MALRD1: variants seen among roughly 807,000 people sequenced by gnomAD.
MALRD1 encodes the protein MAM and LDL-receptor class A domain-containing protein 1.
Under a neutral mutation model 242.1 loss-of-function variants are expected in MALRD1, and 247 were observed. The ratio of observed to expected loss-of-function variants is 1.02; its 90% CI spans 0.92 to 1.13. The LOEUF (loss-of-function observed/expected upper bound fraction) is 1.13. Among genes scored for constraint, MALRD1 ranks in the 50% most tolerant of loss-of-function variants. The pLI, the probability that MALRD1 is intolerant of heterozygous loss-of-function variation, is 0.00. For synonymous variants in MALRD1, 995 were observed against 866.6 expected (o/e 1.15, Z -2.60); for missense variants, 2,989 against 2,533.1 (o/e 1.18, Z -3.86).
chr10:19,209,458 A>T lies in MALRD1; in HGVS notation c.2769A>T (p.Gln923His). 1 of 1,550,946 alleles carries T rather than the reference A, an allele frequency of 6.4e-7. No homozygotes were observed. ...YIESSEPQAFQDSAALLSPIL... is the reference protein window; with the variant it reads ...YIESSEPQAFHDSAALLSPIL... ...AATCTTCAGAGCCACAGGCTTTTCA[A>T]GACAGTGCTGCCTTACTCAGCCCAA... The change falls in exon 18 of 40, where the codon CAA becomes CAT. Residue 923 changes from glutamine (Q) to histidine (H), a missense_variant. Coordinates refer to ENST00000454679, the MANE Select transcript of MALRD1 (RefSeq NM_001142308.3).
chr10:19,281,963 C>CAAAA (rs149370838), intron 20 of MALRD1, among the ~76,000 whole-genome samples: 3 of 79,828 alleles, frequency 3.8e-5, no homozygotes, highest in African/African-American at 1.0e-4. Flanking sequence ...ACGATGTCTC[C>CAAAA]AAAAAAAAAA....
intron 26 of MALRD1, among the ~76,000 whole-genome samples, chr10:19,386,766 T>G (rs2130804513): frequency 6.6e-6 from 1 of 151,854 alleles, no homozygotes; most frequent in Non-Finnish European, 1.5e-5. Flanking sequence ...TTAGCTTAAC[T>G]TCTCTAGGAT....
chr10:19,484,615 T>C (rs1001214451), intron 29 of MALRD1, among the ~76,000 whole-genome samples: 1 of 152,220 alleles, frequency 6.6e-6, no homozygotes, highest in Non-Finnish European at 1.5e-5. Context: ...AATGAAACCA[T>C]ATAATATGCT....
intron 5 of MALRD1, among the ~76,000 whole-genome samples, chr10:19,107,565 C>CTTTTTTTTTT (rs201379420): frequency 7.6e-6 from 1 of 132,302 alleles, no homozygotes. Flanking sequence ...ATAATTTGGT[C>CTTTTTTTTTT]TTTTTTTTTT....
intron 36 of MALRD1, among the ~76,000 whole-genome samples, chr10:19,686,336 G>C (rs899276544): frequency 3.3e-5 from 5 of 152,208 alleles, no homozygotes; most frequent in Admixed American, 2.0e-4. Context: ...CTGCATGTGT[G>C]GGGGCCCACT....
At chr10:19,624,401 T>C (rs976556512) in intron 36 of MALRD1, among the ~76,000 whole-genome samples, 31 of 152,162 alleles carry the variant, frequency 2.0e-4, no homozygotes, top group African/African-American at 5.8e-4. Flanking sequence ...TGAAAAAATA[T>C]ATAGTTATCA....
At chr10:19,357,109 G>A (rs1238405094) in intron 26 of MALRD1, among the ~76,000 whole-genome samples, 1 of 146,492 alleles carries the variant, frequency 6.8e-6, no homozygotes, top group Non-Finnish European at 1.5e-5. Flanking sequence ...GACTCTGTCT[G>A]AAAAAAAAAA....
At chr10:19,143,263 TTA>T (rs1833612443) in intron 10 of MALRD1, among the ~76,000 whole-genome samples, 1 of 152,232 alleles carries the variant, frequency 6.6e-6, no homozygotes, top group African/African-American at 2.4e-5. Flanking sequence ...GCTTCTTTCT[TTA>T]TGTCTTTGCG....
At chr10:19,268,590 T>C (rs1840062970) in intron 19 of MALRD1, among the ~76,000 whole-genome samples, 2 of 152,210 alleles carry the variant, frequency 1.3e-5, no homozygotes, top group African/African-American at 4.8e-5. Context: ...GGAAAACGTA[T>C]ACGTTGTTAG....
chr10:19,288,125 G>A (rs1841223210), intron 21 of MALRD1, among the ~76,000 whole-genome samples: 1 of 151,772 alleles, frequency 6.6e-6, no homozygotes, highest in Admixed American at 6.6e-5. Context: ...CACACAGGCT[G>A]GAGTGCAGTG....
intron 21 of MALRD1, among the ~76,000 whole-genome samples, chr10:19,288,783 C>G (rs1020965779): frequency 1.3e-5 from 2 of 151,942 alleles, no homozygotes; most frequent in African/African-American, 4.8e-5. Context: ...ATCTTTATGC[C>G]CTTACAGCCC....
intron 36 of MALRD1, among the ~76,000 whole-genome samples, chr10:19,649,588 C>T (rs1840781371): frequency 6.6e-6 from 1 of 151,978 alleles, no homozygotes; most frequent in Non-Finnish European, 1.5e-5. Flanking sequence ...TTGTTTTTCT[C>T]TTGTAACTTT....
intron 36 of MALRD1, among the ~76,000 whole-genome samples, chr10:19,634,817 AAAC>A (rs766617425): frequency 6.5e-4 from 99 of 152,196 alleles, no homozygotes; most frequent in South Asian, 1.9e-3. Flanking sequence ...CCTATTTGAA[AAAC>A]AACAACAACA....
At chr10:19,118,650 C>G (rs1184640860) in intron 5 of MALRD1, among the ~76,000 whole-genome samples, 8 of 152,102 alleles carry the variant, frequency 5.3e-5, no homozygotes, top group Admixed American at 5.2e-4. Context: ...GTTTGTTCTA[C>G]CAGTAATTGC....
At chr10:19,537,141 C>G (rs1230224756) in intron 32 of MALRD1, among the ~76,000 whole-genome samples, 1 of 152,068 alleles carries the variant, frequency 6.6e-6, no homozygotes, top group African/African-American at 2.4e-5. Flanking sequence ...CATTTATGAC[C>G]TTGTACATGA....
At chr10:19,415,416 C>G (rs1833477525) in intron 28 of MALRD1, among the ~76,000 whole-genome samples, 1 of 152,006 alleles carries the variant, frequency 6.6e-6, no homozygotes, top group Admixed American at 6.6e-5. Context: ...GACATAATCC[C>G]TCTAATTTTT....
At chr10:19,698,141 A>G (rs1056628528) in intron 38 of MALRD1, among the ~76,000 whole-genome samples, 1 of 152,180 alleles carries the variant, frequency 6.6e-6, no homozygotes, top group Admixed American at 6.6e-5. Context: ...ACCTTAACAT[A>G]TGAGATATTA....
In MALRD1 at chr10:19,637,996, G is replaced by A. The variant is rs550199628; in HGVS notation, c.6137+22073G>A. ...GGTGCCTGTAATCCCAGCTACTCGG[G>A]AGGCTGAGGCAGGAGAATTGCTTGA... is the stretch of plus-strand genomic sequence containing the variant. On this transcript the variant is annotated intron_variant, in intron 36 of 39. Transcript: ENST00000454679. Among the ~76,000 whole-genome samples, 329 of 150,614 alleles carry A rather than the reference G, an allele frequency of 2.2e-3. 2 individuals are homozygous for A. Among genetic ancestry groups the A allele is most frequent in the African/African-American group, 7.8e-3 (320 of 41,136 alleles).
chr10:19,634,470 C>G (rs1323695033), intron 36 of MALRD1, among the ~76,000 whole-genome samples: 2 of 152,008 alleles, frequency 1.3e-5, no homozygotes, highest in African/African-American at 4.8e-5. Context: ...TCAAGGAAGT[C>G]ATGAGATCTA....
Sources: gnomAD v4.1 joint callset for allele counts (sites outside exome capture counted in the v4.1 genomes callset) on GRCh38, gnomAD v4.1.1 for gene constraint, MANE v1.5 for transcripts, NCBI Gene and HGNC (gene_info 2026-07-23, HGNC 2026-07-21) for gene names.